The following PALM2AKAP2 variants were observed in gnomAD, a reference collection of about 807,000 sequenced individuals.
PALM2AKAP2 encodes PALM2-AKAP2 fusion protein.
PALM2AKAP2 carries 37 observed loss-of-function variants against 71.5 expected under a neutral mutation model. The observed-to-expected ratio is 0.52, with a 90% CI of 0.40 to 0.68. PALM2AKAP2 has a LOEUF of 0.68. Ranked by LOEUF, PALM2AKAP2 falls within the 30% of genes least tolerant of loss-of-function variation. PALM2AKAP2 has a pLI of 0.00. For synonymous variants in PALM2AKAP2, 468 were observed against 478.8 expected (o/e 0.98, Z 0.29); for missense variants, 1,224 against 1,191.8 (o/e 1.03, Z -0.40).
chr9:109,960,454 T>C (rs1218650613), intron 6 of PALM2AKAP2, among the ~76,000 whole-genome samples: 1 of 152,186 alleles, frequency 6.6e-6, no homozygotes, highest in Non-Finnish European at 1.5e-5. Flanking sequence ...CACAGACTTA[T>C]AGACCATAGA....
intron 1 of PALM2AKAP2, among the ~76,000 whole-genome samples, chr9:110,129,947 C>T (rs936677790): frequency 6.6e-6 from 1 of 152,200 alleles, no homozygotes; most frequent in South Asian, 2.1e-4. Context: ...CTAAAATTCA[C>T]ATGTAAGGAT....
At chr9:109,769,622 C>T (rs898731189) in intron 1 of PALM2AKAP2, among the ~76,000 whole-genome samples, 8 of 152,140 alleles carry the variant, frequency 5.3e-5, no homozygotes, top group Non-Finnish European at 1.2e-4. Flanking sequence ...GGGGAAAAGC[C>T]AGGCAGGCTT....
chr9:109,656,060 A>G (rs1827301734), intron 1 of PALM2AKAP2, among the ~76,000 whole-genome samples: 1 of 152,258 alleles, frequency 6.6e-6, no homozygotes, highest in Non-Finnish European at 1.5e-5. Flanking sequence ...AATGATAAAT[A>G]AGCAATTCTA....
chr9:109,818,633 T>C (rs868362998), intron 1 of PALM2AKAP2, among the ~76,000 whole-genome samples: 5 of 152,188 alleles, frequency 3.3e-5, no homozygotes, highest in African/African-American at 1.2e-4. Context: ...CATGTATACT[T>C]TTTATTTTTA....
Position 109,867,583 on chromosome 9 carries a change from A to T in PALM2AKAP2, c.126+12A>T, listed in dbSNP as rs1829488348. 6.2e-7 allele frequency: 1 copy of T among 1,609,976 alleles called. No homozygotes were observed. Among genetic ancestry groups the T allele is most frequent in the East Asian group, 2.2e-5 (1 of 44,780 alleles). On this transcript the variant is annotated intron_variant, in intron 2 of 9. Coordinates refer to the PALM2AKAP2 transcript ENST00000302798. ...TGCAGCATTCCAAGGTAAGCAGCTG[A>T]TCCCAGGAACCTATTCCATTATTAG... is the stretch of plus-strand genomic sequence containing the variant.
At chr9:109,893,304 G>A (rs1830127168) in intron 3 of PALM2AKAP2, among the ~76,000 whole-genome samples, 1 of 152,204 alleles carries the variant, frequency 6.6e-6, no homozygotes, top group Admixed American at 6.5e-5. Flanking sequence ...ATCAGCTGAA[G>A]TAGAGGATGA....
chr9:109,662,005 C>T (rs926638136), intron 1 of PALM2AKAP2, among the ~76,000 whole-genome samples: 3 of 152,090 alleles, frequency 2.0e-5, no homozygotes, highest in Admixed American at 6.5e-5. Flanking sequence ...GTGATTTTTG[C>T]ACATTGATTT....
At chr9:110,100,081 A>ATATATATATC (rs1554751767) in intron 1 of PALM2AKAP2, among the ~76,000 whole-genome samples, 19 of 144,382 alleles carry the variant, frequency 1.3e-4, no homozygotes, top group Admixed American at 5.0e-4. Flanking sequence ...ATATATATAT[A>ATATATATATC]GAAACATAAA....
At chr9:110,165,191 C>CT (rs1181104764) in intron 3 of PALM2AKAP2, among the ~76,000 whole-genome samples, 1 of 151,804 alleles carries the variant, frequency 6.6e-6, no homozygotes, top group Non-Finnish European at 1.5e-5. Flanking sequence ...AGACATATGC[C>CT]TTTTTGCCCA....
intron 7 of PALM2AKAP2, among the ~76,000 whole-genome samples, chr9:110,031,134 G>A (rs1433531914): frequency 6.6e-6 from 1 of 152,102 alleles, no homozygotes; most frequent in Non-Finnish European, 1.5e-5. Context: ...TTCTGTTATT[G>A]TTTTTTGAGA....
intron 1 of PALM2AKAP2, among the ~76,000 whole-genome samples, chr9:110,110,747 A>G (rs1000670559): frequency 1.1e-4 from 16 of 151,614 alleles, no homozygotes; most frequent in Admixed American, 8.6e-4. Context: ...GGGTTTCACA[A>G]TGTTGGCAAG....
chr9:109,695,598 T>C (rs950836768), intron 1 of PALM2AKAP2, among the ~76,000 whole-genome samples: 9 of 152,184 alleles, frequency 5.9e-5, no homozygotes, highest in Non-Finnish European at 1.5e-5. Flanking sequence ...ATGTCTTCTT[T>C]TGAGTAATGT....
chr9:109,871,511 CA>C (rs1394061237), intron 2 of PALM2AKAP2, among the ~76,000 whole-genome samples: 1 of 152,012 alleles, frequency 6.6e-6, no homozygotes, highest in Non-Finnish European at 1.5e-5. Flanking sequence ...ATAATCATTG[CA>C]AAAACTAAAT....
intron 6 of PALM2AKAP2, among the ~76,000 whole-genome samples, chr9:109,947,782 A>G (rs1366660543): frequency 6.6e-6 from 1 of 152,216 alleles, no homozygotes; most frequent in Admixed American, 6.5e-5. Flanking sequence ...ATCATTCCAA[A>G]GTGAGCCATT....
chr9:109,768,637 ATAT>A (rs1829202308), intron 1 of PALM2AKAP2, among the ~76,000 whole-genome samples: 1 of 152,188 alleles, frequency 6.6e-6, no homozygotes, highest in African/African-American at 2.4e-5. Context: ...TCATCACCTG[ATAT>A]TATTACATCT....
intron 6 of PALM2AKAP2, among the ~76,000 whole-genome samples, chr9:109,984,140 C>G (rs1156695471): frequency 2.0e-5 from 3 of 152,074 alleles, no homozygotes; most frequent in African/African-American, 7.2e-5. Context: ...CTTTGAGACC[C>G]TTAACCCTAT....
chr9:109,656,848 C>T (rs776255139), intron 1 of PALM2AKAP2, among the ~76,000 whole-genome samples: 170 of 152,296 alleles, frequency 1.1e-3, no homozygotes, highest in African/African-American at 3.8e-3. Flanking sequence ...GACAAACACA[C>T]TGTGATATTG....
intron 1 of PALM2AKAP2, among the ~76,000 whole-genome samples, chr9:110,117,891 A>G (rs903213106): frequency 4.1e-5 from 6 of 146,526 alleles, no homozygotes; most frequent in African/African-American, 1.5e-4. Flanking sequence ...AGAGAGAGAG[A>G]ACTATAGAGA....
At chr9:109,963,294 G>T (rs545911239) in intron 6 of PALM2AKAP2, among the ~76,000 whole-genome samples, 1 of 152,200 alleles carries the variant, frequency 6.6e-6, no homozygotes, top group East Asian at 1.9e-4. Flanking sequence ...TAGAGAGACA[G>T]GTACTTCCTC....
Sources: gnomAD v4.1 joint callset for allele counts (sites outside exome capture counted in the v4.1 genomes callset) on GRCh38, gnomAD v4.1.1 for gene constraint, MANE v1.5 for transcripts, NCBI Gene and HGNC (gene_info 2026-07-23, HGNC 2026-07-21) for gene names.